Variants in EVC2 observed in about 807,000 individuals in gnomAD.
EVC2 encodes limbin.
In EVC2, 148 loss-of-function variants were observed where a neutral mutation model predicts 149.3. That is an observed-to-expected ratio of 0.99 (90% CI 0.87 to 1.14). EVC2 has a LOEUF of 1.14. Ranked by LOEUF, EVC2 falls within the 50% of genes most tolerant of loss-of-function variation. The pLI is 0.00. For missense variants in EVC2, 1,854 were observed against 1,627.3 expected, an observed-to-expected ratio of 1.14 and a Z score of -2.40; for synonymous variants, 776 against 649.9, an observed-to-expected ratio of 1.19 and a Z score of -2.95.
At position 5,622,415 on chromosome 4, in the gene EVC2, G is replaced by A. The variant is rs1715756776; in HGVS notation, c.2501+122C>T. ...TGAGTTTATATGACTAATTAACGCT[G>A]GTAATCTCATCTGTCTGGGGCCAGG... On this transcript the variant is annotated intron_variant, in intron 14 of 21. Transcript: ENST00000344408. The surrounding 1 kb of genome is among the most constrained non-coding windows in gnomAD (Gnocchi z 5.8). 8.8e-7 allele frequency: 1 copy of A among 1,141,940 alleles called. No individual in the cohort carries two copies. Among genetic ancestry groups the A allele is most frequent in the African/African-American group, 1.5e-5 (1 of 65,230 alleles). The allele number at this position is 1,141,940 out of a possible 1,614,324, so 70.7% of individuals were successfully genotyped here. A position where few individuals can be genotyped will look rare whatever the true frequency, so the allele number is the denominator to read the frequency against.
chr4:5,551,039 G>A (rs1371844473), intron 21 of EVC2, among the ~76,000 whole-genome samples: 1 of 152,256 alleles, frequency 6.6e-6, no homozygotes, highest in Non-Finnish European at 1.5e-5. Flanking sequence ...AGGCAGAGGT[G>A]TGCTGCAGGG....
intron 16 of EVC2, among the ~76,000 whole-genome samples, chr4:5,588,746 G>T (rs1224316539): frequency 1.3e-5 from 2 of 152,154 alleles, no homozygotes; most frequent in Non-Finnish European, 2.9e-5. Context: ...TAGACATATA[G>T]ATATATCTTT....
intron 15 of EVC2, among the ~76,000 whole-genome samples, chr4:5,617,380 A>G (rs1715333200): frequency 6.6e-6 from 1 of 152,146 alleles, no homozygotes; most frequent in Admixed American, 6.5e-5. Context: ...AGTAATTTTA[A>G]TATGTTTTCA....
chr4:5,697,255 T>G (rs1721535175), intron 2 of EVC2, among the ~76,000 whole-genome samples: 1 of 152,234 alleles, frequency 6.6e-6, no homozygotes, highest in Admixed American at 6.5e-5. Context: ...TAAACGTGTG[T>G]GGTCGAAGCC....
At chr4:5,691,169 T>C (rs933736898) in intron 4 of EVC2, 96 bp downstream of exon 4, 1 of 1,114,152 alleles carries the variant, frequency 9.0e-7, no homozygotes, top group Non-Finnish European at 1.4e-6. Context: ...GGTAAGCCCA[T>C]GATTTATCAG....
In EVC2 at chr4:5,670,158, C is replaced by T. The variant is rs925105474; in HGVS notation, c.871-4509G>A. On this transcript the variant is annotated intron_variant, in intron 7 of 21. Coordinates refer to ENST00000344408, the MANE Select transcript of EVC2 (RefSeq NM_147127.5). The surrounding 1 kb of genome is among the most constrained non-coding windows in gnomAD (Gnocchi z 5.2). Reference sequence around the variant, plus strand: ...GTAATTTTATGAGAAGAAGGAGGCTCCATATAATCACTACCATCACTATCA... The same window carrying T: ...GTAATTTTATGAGAAGAAGGAGGCTTCATATAATCACTACCATCACTATCA... 3.9e-5 allele frequency among the ~76,000 whole-genome samples: 6 copies of T among 152,154 alleles called. No homozygotes were observed. Among genetic ancestry groups the T allele is most frequent in the African/African-American group, 1.2e-4 (5 of 41,446 alleles).
chr4:5,595,326 G>A lies in EVC2; in HGVS notation c.2830-10476C>T, dbSNP rs1385606595. 7.9e-5 allele frequency among the ~76,000 whole-genome samples: 12 copies of A among 152,188 alleles called. No individual in the cohort carries two copies. The East Asian group carries it at 1.2e-3, about 15-fold the overall frequency. On this transcript the variant is annotated intron_variant, in intron 16 of 21. Coordinates refer to ENST00000344408, the MANE Select transcript of EVC2 (RefSeq NM_147127.5). ...TTAAGGGCAGCCAGAGAGAAAGGTC[G>A]GGTTACCCTCAAAGGGAAGCCCATC...
chr4:5,600,396 T>C (rs1450733618), intron 16 of EVC2, among the ~76,000 whole-genome samples: 1 of 152,198 alleles, frequency 6.6e-6, no homozygotes, highest in Admixed American at 6.5e-5. Flanking sequence ...TATTGAGCGT[T>C]TCCCCCTATT....
chr4:5,544,574 G>A (rs1188213643), intron 21 of EVC2, among the ~76,000 whole-genome samples: 1 of 152,158 alleles, frequency 6.6e-6, no homozygotes, highest in Non-Finnish European at 1.5e-5. Context: ...AATCCTCCCA[G>A]GTCCCCAAGA....
chr4:5,539,301 G>A (rs924856436), downstream of EVC2, among the ~76,000 whole-genome samples: 3 of 152,126 alleles, frequency 2.0e-5, no homozygotes, highest in Non-Finnish European at 2.9e-5. Flanking sequence ...AGTAAATGAA[G>A]AGCTATACTG....
chr4:5,700,440 T>A (rs1721754513), intron 1 of EVC2, among the ~76,000 whole-genome samples: 1 of 152,230 alleles, frequency 6.6e-6, no homozygotes, highest in African/African-American at 2.4e-5. Context: ...CACCTGCTGC[T>A]TGTTAGGCAC....
chr4:5,682,122 G>C (rs866387135), intron 6 of EVC2, among the ~76,000 whole-genome samples: 1 of 152,198 alleles, frequency 6.6e-6, no homozygotes. Context: ...CCTGGCACTA[G>C]GGAATGCTAT....
intron 17 of EVC2, among the ~76,000 whole-genome samples, chr4:5,580,135 T>C (rs1186353694): frequency 6.6e-6 from 1 of 152,232 alleles, no homozygotes. Context: ...ATTTCATGCT[T>C]TTTTAATTCT....
intron 7 of EVC2, among the ~76,000 whole-genome samples, chr4:5,667,304 T>C (rs974952028): frequency 6.6e-6 from 1 of 151,980 alleles, no homozygotes; most frequent in African/African-American, 2.4e-5. Context: ...ATGCTTGTTT[T>C]CTAATATTTC....
rs768401658 is a variant in EVC2, at chr4:5,584,745, T to G, written c.2935A>C (p.Thr979Pro). Residue 979 changes from threonine to proline, a missense_variant, in exon 17 of 22, where the codon ACC (threonine) becomes CCC (proline). Physicochemically the swap from Thr to Pro is conservative, Grantham distance 38. Transcript: ENST00000344408. Reference protein sequence around the residue: ...ALQFQKASRVTETLSAYTALL... With the variant: ...ALQFQKASRVPETLSAYTALL... ...GCGGTGTAGGCCGACAGAGTCTCGG[T>G]CACCCGGGACGCCTTCTGGAACTGC... The G allele has an allele frequency of 6.2e-7, 1 of 1,614,116 alleles. No homozygotes were observed.
rs552797871 is a variant in EVC2, at chr4:5,583,106, C to T, written c.3057+1517G>A. Among the ~76,000 whole-genome samples the T allele has an allele frequency of 4.3e-5, 6 of 139,762 alleles. No individual in the cohort carries two copies. The South Asian group carries it at 1.1e-3, about 25-fold the overall frequency. The allele number at this position is 139,762 out of a possible 152,430, so 91.7% of individuals were successfully genotyped here. On this transcript the variant is annotated intron_variant, in intron 17 of 21. Coordinates refer to ENST00000344408, the MANE Select transcript of EVC2 (RefSeq NM_147127.5). ...AATATAAAGACATATTCTCTATATA[C>T]TAAAATGATCACATGAGTCACTCCC...
At chr4:5,588,079 G>GA (rs1207420206) in intron 16 of EVC2, among the ~76,000 whole-genome samples, 7 of 152,062 alleles carry the variant, frequency 4.6e-5, no homozygotes, top group Non-Finnish European at 1.0e-4. Flanking sequence ...CTTGGAGTAT[G>GA]AATCTCCTAG....
At chr4:5,689,057 TA>T in intron 5 of EVC2, 99 bp downstream of exon 5, 1 of 1,321,006 alleles carries the variant, frequency 7.6e-7, no homozygotes, top group Non-Finnish European at 1.1e-6. Context: ...TGAACATGTG[TA>T]AGGCTTTAAG....
chr4:5,545,547 A>G (rs1721598749), intron 21 of EVC2, among the ~76,000 whole-genome samples: 1 of 152,198 alleles, frequency 6.6e-6, no homozygotes, highest in African/African-American at 2.4e-5. Context: ...AGAAGACAGG[A>G]GCTTCCTCTC....
Sources: allele counts gnomAD v4.1 joint callset (sites outside exome capture counted in the v4.1 genomes callset), GRCh38; gene constraint gnomAD v4.1.1; non-coding constraint Gnocchi (gnomAD v3.1); transcripts MANE v1.5; gene names NCBI Gene and HGNC (gene_info 2026-07-23, HGNC 2026-07-21).